The following KIAA1328 variants were observed in gnomAD, a reference collection of about 807,000 sequenced individuals.
KIAA1328 encodes the protein KIAA1328.
Under a neutral mutation model 68.1 loss-of-function variants are expected in KIAA1328, and 52 were observed. That is an observed-to-expected ratio of 0.76 (90% CI 0.61 to 0.96). The LOEUF is 0.96. KIAA1328 is among the 40% of genes least tolerant of loss of function. The probability of loss-of-function intolerance (pLI) is 0.00; values close to 1 mark genes in which losing one functional copy is unlikely to be tolerated. For synonymous variants in KIAA1328, 232 were observed against 239.4 expected (o/e 0.97, Z 0.28); for missense variants, 641 against 677.6 (o/e 0.95, Z 0.60).
chr18:36,896,319 AAT>A (rs2048866133), intron 5 of KIAA1328, among the ~76,000 whole-genome samples: 1 of 152,104 alleles, frequency 6.6e-6, no homozygotes, highest in South Asian at 2.1e-4. Flanking sequence ...AGACCCTTTT[AAT>A]ATATATGATG....
At chr18:36,829,318 T>G in intron 1 of KIAA1328, 122 bp downstream of exon 1, 1 of 1,404,064 alleles carries the variant, frequency 7.1e-7, no homozygotes, top group South Asian at 1.5e-5. Flanking sequence ...GATGGGGACG[T>G]GCTGCTCGGC....
intron 9 of KIAA1328, among the ~76,000 whole-genome samples, chr18:37,174,608 T>G (rs1346492676): frequency 6.6e-6 from 1 of 151,134 alleles, no homozygotes; most frequent in Non-Finnish European, 1.5e-5. Flanking sequence ...TTATTTTATT[T>G]TTTGAGACAG....
chr18:37,049,182 G>A (rs1157106767), intron 6 of KIAA1328, among the ~76,000 whole-genome samples: 2 of 152,176 alleles, frequency 1.3e-5, no homozygotes, highest in African/African-American at 4.8e-5. Flanking sequence ...AGGAAAGTTA[G>A]AGATGTGAAA....
At chr18:37,022,355 T>C (rs894542796) in intron 6 of KIAA1328, among the ~76,000 whole-genome samples, 2 of 152,194 alleles carry the variant, frequency 1.3e-5, no homozygotes, top group African/African-American at 4.8e-5. Context: ...AGAACCGTGG[T>C]TTAGACCCTA....
intron 6 of KIAA1328, among the ~76,000 whole-genome samples, chr18:37,029,575 G>A (rs2054739524): frequency 6.6e-6 from 1 of 152,066 alleles, no homozygotes; most frequent in South Asian, 2.1e-4. Flanking sequence ...CGTGTTGCCA[G>A]GTACGTGTCA....
intron 6 of KIAA1328, among the ~76,000 whole-genome samples, chr18:37,018,240 A>G (rs1194250747): frequency 6.6e-6 from 1 of 152,100 alleles, no homozygotes; most frequent in Admixed American, 6.6e-5. Context: ...GTGGGATGTC[A>G]TATTCTTCCC....
chr18:36,840,709 C>T lies in KIAA1328; in HGVS notation c.238-3499C>T, dbSNP rs558168474. 1.4e-4 allele frequency among the ~76,000 whole-genome samples: 22 copies of T among 152,166 alleles called. No homozygotes were observed. The South Asian group carries it at 2.3e-3, about 16-fold the overall frequency. On this transcript the variant is annotated intron_variant, in intron 3 of 9. Coordinates refer to ENST00000280020, the MANE Select transcript of KIAA1328 (RefSeq NM_020776.3). ...CTCGTGATCCACCCACCTCGGCCTC[C>T]GAAAGTGCTGGGATTATAGGCATGA...
downstream of KIAA1328, chr18:37,231,929 T>C (rs2060665543): frequency 6.6e-6 from 1 of 152,164 alleles, no homozygotes; most frequent in Non-Finnish European, 1.5e-5. Context: ...TTGCTGCCCA[T>C]TGGGATGGGA....
chr18:37,114,914 G>C (rs557663935), intron 7 of KIAA1328, among the ~76,000 whole-genome samples: 8 of 152,266 alleles, frequency 5.3e-5, no homozygotes, highest in African/African-American at 1.7e-4. Flanking sequence ...AGAAAATCTA[G>C]AAGAAATGGA....
intron 6 of KIAA1328, among the ~76,000 whole-genome samples, chr18:36,969,566 C>G (rs975445853): frequency 6.6e-6 from 1 of 152,110 alleles, no homozygotes; most frequent in African/African-American, 2.4e-5. Context: ...TGGGTACATA[C>G]ACTCTCCCAA....
At chr18:36,883,308 A>G (rs1398671399) in intron 4 of KIAA1328, among the ~76,000 whole-genome samples, 2 of 152,228 alleles carry the variant, frequency 1.3e-5, no homozygotes, top group Non-Finnish European at 2.9e-5. Context: ...ACACCACACC[A>G]TATGTGACAG....
At chr18:37,039,819 G>A (rs149436295) in intron 6 of KIAA1328, among the ~76,000 whole-genome samples, 8 of 152,168 alleles carry the variant, frequency 5.3e-5, no homozygotes, top group African/African-American at 1.9e-4. Flanking sequence ...AACTTCACTG[G>A]GTTCTCCACT....
At chr18:37,014,213 A>C (rs1282181213) in intron 6 of KIAA1328, among the ~76,000 whole-genome samples, 1 of 152,140 alleles carries the variant, frequency 6.6e-6, no homozygotes, top group East Asian at 1.9e-4. Flanking sequence ...TTGTTGAATT[A>C]AATTCCTTAC....
intron 5 of KIAA1328, among the ~76,000 whole-genome samples, chr18:36,912,962 C>G (rs2049516626): frequency 6.6e-6 from 1 of 152,136 alleles, no homozygotes; most frequent in African/African-American, 2.4e-5. Flanking sequence ...CTGTTTTAGT[C>G]AATTTCATAA....
chr18:36,829,556 T>G, intron 1 of KIAA1328: 3 of 643,322 alleles, frequency 4.7e-6, no homozygotes, highest in Non-Finnish European at 4.1e-6. Context: ...TGTGCGGAGC[T>G]AGCTCGAAGT....
At position 36,936,668 on chromosome 18, in the gene KIAA1328, T is replaced by C. The variant is rs76064672; in HGVS notation, c.449-22640T>C. Among the ~76,000 whole-genome samples, 389 of 152,312 alleles carry C rather than the reference T, an allele frequency of 2.6e-3. 3 individuals are homozygous for C. Among genetic ancestry groups the C allele is most frequent in the African/African-American group, 8.9e-3 (372 of 41,572 alleles). On this transcript the variant is annotated intron_variant, in intron 5 of 9. Coordinates refer to ENST00000280020, the MANE Select transcript of KIAA1328 (RefSeq NM_020776.3). The stretch of plus-strand genomic sequence containing the variant: ...TTGGGTCAAATGGTATTTCTGGTTC[T>C]AGACCCTTGAGGAATCGCCATACCG...
At chr18:37,020,005 G>T (rs1041136460) in intron 6 of KIAA1328, among the ~76,000 whole-genome samples, 2 of 152,210 alleles carry the variant, frequency 1.3e-5, no homozygotes, top group African/African-American at 4.8e-5. Context: ...TGCTCCAAAT[G>T]CGTGGAGATC....
At chr18:36,993,954 T>C (rs1375331762) in intron 6 of KIAA1328, among the ~76,000 whole-genome samples, 3 of 143,448 alleles carry the variant, frequency 2.1e-5, no homozygotes, top group Non-Finnish European at 4.6e-5. Context: ...TTTCAAATAC[T>C]ACAAATAGAA....
At chr18:37,115,991 CT>C (rs1375532920) in intron 7 of KIAA1328, among the ~76,000 whole-genome samples, 1 of 152,210 alleles carries the variant, frequency 6.6e-6, no homozygotes, top group Non-Finnish European at 1.5e-5. Flanking sequence ...CTACAAACCA[CT>C]GCTCAATGAA....
Sources: gnomAD v4.1 joint callset for allele counts (sites outside exome capture counted in the v4.1 genomes callset) on GRCh38, gnomAD v4.1.1 for gene constraint, MANE v1.5 for transcripts, NCBI Gene and HGNC (gene_info 2026-07-23, HGNC 2026-07-21) for gene names.